TBC1D30: variants seen among roughly 807,000 people sequenced by gnomAD.
TBC1D30 encodes the protein TBC1 domain family, member 30.
In TBC1D30, 31 loss-of-function variants were observed where a neutral mutation model predicts 63.2. The ratio of observed to expected loss-of-function variants is 0.49; its 90% confidence interval spans 0.37 to 0.66. The LOEUF is 0.66. Among genes scored for constraint, TBC1D30 ranks in the 30% least tolerant of loss-of-function variants. The pLI is 0.00. For synonymous variants in TBC1D30, 307 were observed against 361.5 expected, an observed-to-expected ratio of 0.85 and a Z score of 1.71; for missense variants, 810 against 953.6, an observed-to-expected ratio of 0.85 and a Z score of 1.98.
In TBC1D30 at chr12:64,875,777, A is replaced by G. The variant is rs1421134963; in HGVS notation, c.2275A>G (p.Lys759Glu). 2 of 1,529,650 alleles carry G rather than the reference A, an allele frequency of 1.3e-6. No individual in the cohort carries two copies. Among genetic ancestry groups the G allele is most frequent in the Admixed American group, 4.0e-5 (2 of 49,634 alleles). The allele number at this position is 1,529,650 out of a possible 1,614,324, so 94.8% of individuals were successfully genotyped here. Residue 759 changes from lysine to glutamate, a missense_variant, in exon 12 of 12, where the codon AAA becomes GAA. By Grantham distance (56) the Lys-to-Glu change is moderately conservative (BLOSUM62 1). Coordinates refer to ENST00000539867, the MANE Select transcript of TBC1D30 (RefSeq NM_015279.2). ...SKPGGGNSGT[K>E]KR ...ACCCGGCGGTGGAAACAGTGGCACT[A>G]AAAAACGATGATGTCTCCCCGAAAC...
intron 8 of TBC1D30, among the ~76,000 whole-genome samples, chr12:64,858,156 T>G (rs926022194): frequency 6.6e-6 from 1 of 152,218 alleles, no homozygotes; most frequent in Non-Finnish European, 1.5e-5. Flanking sequence ...GCATGAATGG[T>G]GTAAGCTTCC....
Position 64,877,721 on chromosome 12 carries a change from G to A in TBC1D30, c.*1933G>A, listed in dbSNP as rs952976427. ...GACCCACTGCATTTTCCAAAGTTAA[G>A]CAAATGACACCATTTTCTTCCATCA... On this transcript the variant is annotated 3_prime_UTR_variant, in exon 12 of 12. Transcript: ENST00000539867. 6.6e-6 allele frequency: 1 copy of A among 152,216 alleles called. No individual in the cohort carries two copies. The highest frequency in any genetic ancestry group is 1.5e-5 in the Non-Finnish European group (1 of 68,072). The allele number at this position is 152,216 out of a possible 1,614,324, so 9.4% of individuals were successfully genotyped here. A position where few individuals can be genotyped will look rare whatever the true frequency, so the allele number is the denominator to read the frequency against.
chr12:64,781,186 G>C, exon 1 of TBC1D30: 3 of 1,061,250 alleles, frequency 2.8e-6, no homozygotes, highest in Non-Finnish European at 3.4e-6. Flanking sequence ...GCTCCGACGT[G>C]GTCCTGGGCG....
At chr12:64,785,945 G>C (rs1283157612) in exon 2 of TBC1D30, 1 of 1,289,758 alleles carries the variant, frequency 7.8e-7, no homozygotes, top group Non-Finnish European at 1.0e-6. Context: ...AGTCGGCCAA[G>C]TTACTTCGGC....
At chr12:64,837,672 A>G (rs1159376531) in intron 6 of TBC1D30, among the ~76,000 whole-genome samples, 3 of 152,154 alleles carry the variant, frequency 2.0e-5, no homozygotes, top group African/African-American at 4.8e-5. Flanking sequence ...CAGGCCACGG[A>G]CCCAGAGATA....
chr12:64,773,353 C>T (rs1348945099), intron 1 of TBC1D30, among the ~76,000 whole-genome samples: 2 of 152,212 alleles, frequency 1.3e-5, no homozygotes, highest in Non-Finnish European at 2.9e-5. Context: ...GACAAAGTTC[C>T]TAAAGGGCAG....
chr12:64,874,091 T>A (rs1485910498), intron 11 of TBC1D30, among the ~76,000 whole-genome samples: 1 of 152,124 alleles, frequency 6.6e-6, no homozygotes, highest in Non-Finnish European at 1.5e-5. Flanking sequence ...ACAAAGCTTT[T>A]TTGTTCGTTT....
At position 64,850,766 on chromosome 12, in the gene TBC1D30, T is replaced by C. The variant is rs554860868; in HGVS notation, c.1038+7281T>C. On this transcript the variant is annotated intron_variant, in intron 8 of 11. Coordinates refer to ENST00000539867, the MANE Select transcript of TBC1D30 (RefSeq NM_015279.2). ...TTGTTGTGTCTCTGCCAGGTTTTCA[T>C]ATGAGGATGATGCTGGTCTCATAAA... 9.8e-5 allele frequency among the ~76,000 whole-genome samples: 15 copies of C among 152,320 alleles called. No homozygotes were observed. The South Asian group carries it at 1.0e-3, about 11-fold the overall frequency.
chr12:64,802,840 G>A (rs1872659900), intron 2 of TBC1D30, among the ~76,000 whole-genome samples: 1 of 152,124 alleles, frequency 6.6e-6, no homozygotes, highest in Non-Finnish European at 1.5e-5. Context: ...CCTTTTTTAT[G>A]GCTGCATAGT....
intron 2 of TBC1D30, among the ~76,000 whole-genome samples, chr12:64,791,722 G>T (rs532051612): frequency 1.3e-5 from 2 of 150,262 alleles, no homozygotes; most frequent in African/African-American, 4.9e-5. Flanking sequence ...ATATATATAT[G>T]TTTTTTTTAA....
chr12:64,871,193 C>G (rs529836646), intron 11 of TBC1D30, among the ~76,000 whole-genome samples: 1 of 152,154 alleles, frequency 6.6e-6, no homozygotes, highest in Non-Finnish European at 1.5e-5. Flanking sequence ...GTAAATTAAG[C>G]TGTATACTAG....
At chr12:64,824,072 CTT>C (rs11423646), upstream of TBC1D30, among the ~76,000 whole-genome samples, 1 of 145,236 alleles carries the variant, frequency 6.9e-6, no homozygotes, top group Non-Finnish European at 1.5e-5. Context: ...TTGAGAATGA[CTT>C]TTTTTTTTTT....
chr12:64,767,923 TTTC>T (rs944480257), intron 1 of TBC1D30, among the ~76,000 whole-genome samples: 16 of 152,114 alleles, frequency 1.1e-4, no homozygotes, highest in South Asian at 8.3e-4. Context: ...GCATTTTGCA[TTTC>T]TTACTAGTGA....
upstream of TBC1D30, chr12:64,779,447 G>A (rs1331093898): frequency 1.3e-5 from 2 of 151,826 alleles, no homozygotes; most frequent in Admixed American, 6.6e-5. Context: ...TTAAAATTCC[G>A]AATACCTAAG....
At chr12:64,838,993 C>A in intron 7 of TBC1D30, 142 bp downstream of exon 7, 1 of 803,970 alleles carries the variant, frequency 1.2e-6, no homozygotes, top group South Asian at 1.9e-5. Flanking sequence ...GAAATCTCAG[C>A]AGGCTCATTG....
intron 1 of TBC1D30, among the ~76,000 whole-genome samples, chr12:64,762,334 A>G (rs1870546938): frequency 6.6e-6 from 1 of 152,238 alleles, no homozygotes; most frequent in Admixed American, 6.5e-5. Flanking sequence ...TACTGAAAGA[A>G]TGTAAGATAA....
chr12:64,840,027 A>ACAAAAAAAAAAAAAAAAAAAAAAAC (rs1208343282), intron 7 of TBC1D30, among the ~76,000 whole-genome samples: 2 of 145,814 alleles, frequency 1.4e-5, no homozygotes, highest in African/African-American at 5.2e-5. Flanking sequence ...AAAAAAAAAA[A>ACAAAAAAAAAAAAAAAAAAAAAAAC]ATCCACCAAC....
At chr12:64,767,802 G>A (rs1690266) in intron 1 of TBC1D30, among the ~76,000 whole-genome samples, 1 of 17,476 alleles carries the variant, frequency 5.7e-5, no homozygotes, top group Non-Finnish European at 1.2e-4. Context: ...GGGGGGGGGA[G>A]GGGGGGGAGA....
intron 2 of TBC1D30, among the ~76,000 whole-genome samples, chr12:64,807,583 G>A (rs906537817): frequency 6.6e-6 from 1 of 152,106 alleles, no homozygotes; most frequent in Admixed American, 6.5e-5. Context: ...AGTCACATGG[G>A]TAGTTGGTGC....
Sources: allele counts gnomAD v4.1 joint callset (sites outside exome capture counted in the v4.1 genomes callset), GRCh38; gene constraint gnomAD v4.1.1; transcripts MANE v1.5; gene names NCBI Gene and HGNC (gene_info 2026-07-23, HGNC 2026-07-21).